Variants in FOXP2 observed in about 807,000 individuals in gnomAD.
The protein encoded by FOXP2 is forkhead box protein P2.
A neutral mutation model predicts 115.8 loss-of-function variants in FOXP2; 12 were observed. That is an observed-to-expected ratio of 0.10 (90% CI 0.07 to 0.17). The LOEUF (loss-of-function observed/expected upper bound fraction) is 0.17. Ranked by LOEUF, FOXP2 falls within the 10% of genes least tolerant of loss-of-function variation. The pLI is 1.00. For missense variants in FOXP2, 629 were observed against 843.5 expected (o/e 0.75, Z 3.15); for synonymous variants, 328 against 297.7 (o/e 1.10, Z -1.05).
intron 3 of FOXP2, among the ~76,000 whole-genome samples, chr7:114,584,526 T>C (rs1802031393): frequency 1.3e-5 from 2 of 152,238 alleles, no homozygotes; most frequent in Non-Finnish European, 2.9e-5. Flanking sequence ...CTTACTTTCA[T>C]TAAATTTTTT....
intron 1 of FOXP2, among the ~76,000 whole-genome samples, chr7:114,167,428 T>C (rs892736048): frequency 2.0e-5 from 3 of 152,174 alleles, no homozygotes; most frequent in African/African-American, 7.2e-5. Context: ...TTTTTACAAA[T>C]TGAAGGTTTG....
At chr7:114,211,158 G>T (rs535831932) in intron 1 of FOXP2, among the ~76,000 whole-genome samples, 11 of 152,346 alleles carry the variant, frequency 7.2e-5, no homozygotes, top group African/African-American at 2.4e-4. Context: ...GGGGTCCACA[G>T]AACAACGCTG....
intron 1 of FOXP2, among the ~76,000 whole-genome samples, chr7:114,126,206 T>C (rs1445285557): frequency 1.4e-5 from 1 of 70,896 alleles, no homozygotes; most frequent in Non-Finnish European, 2.9e-5. Flanking sequence ...GGAAAAAAAT[T>C]ATGGTGTAGA....
chr7:114,449,083 G>A (rs890252149), intron 2 of FOXP2, among the ~76,000 whole-genome samples: 3 of 151,966 alleles, frequency 2.0e-5, no homozygotes, highest in African/African-American at 4.8e-5. Context: ...TGTCCCCACA[G>A]CATTGTTGTG....
chr7:114,403,030 A>G (rs1792926565), intron 2 of FOXP2, among the ~76,000 whole-genome samples: 1 of 152,066 alleles, frequency 6.6e-6, no homozygotes, highest in South Asian at 2.1e-4. Flanking sequence ...AGATTCCACA[A>G]TCCCTTATCT....
chr7:114,490,288 G>A lies in FOXP2; in HGVS notation c.169-44329G>A, dbSNP rs118028028. On this transcript the variant is annotated intron_variant, in intron 2 of 16. Coordinates refer to ENST00000350908, the MANE Select transcript of FOXP2 (RefSeq NM_014491.4). ...AAAGATAAGGAGGAAATGTAAATGC[G>A]CATTACTAGGTGAAAGAAGCTTATC... 3.5e-4 allele frequency among the ~76,000 whole-genome samples: 53 copies of A among 152,176 alleles called. No individual in the cohort carries two copies. In the East Asian group the frequency reaches 8.9e-3, roughly 25 times the overall value.
chr7:114,545,685 T>C (rs1302843877), intron 3 of FOXP2, among the ~76,000 whole-genome samples: 1 of 152,190 alleles, frequency 6.6e-6, no homozygotes, highest in African/African-American at 2.4e-5. Context: ...TTTTACATGT[T>C]ATATGAGCTG....
At position 114,134,332 on chromosome 7, in the gene FOXP2, A is replaced by G. The variant is rs552346220; in HGVS notation, c.-246-28612A>G. On this transcript the variant is annotated intron_variant, in intron 1 of 19. Transcript: ENST00000635638. The stretch of plus-strand genomic sequence containing the variant: ...GTGTAGTCCCTTGCTATAATGCCAC[A>G]GTATCCCACTGTTCTTACTGAATTT... 1.5e-3 allele frequency among the ~76,000 whole-genome samples: 228 copies of G among 152,280 alleles called. 2 individuals are homozygous for G. Among genetic ancestry groups the G allele is most frequent in the African/African-American group, 5.4e-3 (224 of 41,560 alleles).
chr7:114,361,786 A>G (rs929822954), intron 2 of FOXP2, among the ~76,000 whole-genome samples: 4 of 152,016 alleles, frequency 2.6e-5, no homozygotes, highest in Non-Finnish European at 5.9e-5. Flanking sequence ...GTAAAAGCCC[A>G]CTCCAAAAAA....
intron 1 of FOXP2, among the ~76,000 whole-genome samples, chr7:114,258,108 T>A (rs1237373082): frequency 6.6e-6 from 1 of 152,178 alleles, no homozygotes; most frequent in Non-Finnish European, 1.5e-5. Flanking sequence ...GTATTGAGAA[T>A]AGACAGTGGG....
intron 2 of FOXP2, among the ~76,000 whole-genome samples, chr7:114,442,818 A>G (rs1485713947): frequency 6.6e-6 from 1 of 152,134 alleles, no homozygotes; most frequent in Non-Finnish European, 1.5e-5. Flanking sequence ...GTTTATATAA[A>G]GAGAGAGAGG....
chr7:114,135,905 A>G (rs1370664392), intron 1 of FOXP2, among the ~76,000 whole-genome samples: 3 of 152,120 alleles, frequency 2.0e-5, no homozygotes, highest in Non-Finnish European at 4.4e-5. Context: ...GAAGAGGTAT[A>G]CTACCGTATG....
Position 114,476,265 on chromosome 7 carries a change from A to G in FOXP2, c.168+49586A>G, listed in dbSNP as rs565579753. Among the ~76,000 whole-genome samples, 8 of 152,112 alleles carry G rather than the reference A, an allele frequency of 5.3e-5. No homozygotes were observed. In the South Asian group the frequency reaches 1.5e-3, roughly 28 times the overall value. Reference sequence around the variant, plus strand: ...TTTTGTAGTTTCAGGTGTTACATTTAAATCTTTGATTGATTTTGAGTTAAT... The same window carrying G: ...TTTTGTAGTTTCAGGTGTTACATTTGAATCTTTGATTGATTTTGAGTTAAT... On this transcript the variant is annotated intron_variant, in intron 2 of 16. Transcript: ENST00000350908.
At chr7:114,329,271 A>C (rs1479340898) in intron 2 of FOXP2, among the ~76,000 whole-genome samples, 3 of 152,122 alleles carry the variant, frequency 2.0e-5, no homozygotes, top group African/African-American at 7.2e-5. Context: ...TAATCCCAGC[A>C]CTTTGGGAGG....
At chr7:114,332,058 A>G (rs1318690037) in intron 2 of FOXP2, among the ~76,000 whole-genome samples, 1 of 152,024 alleles carries the variant, frequency 6.6e-6, no homozygotes, top group Non-Finnish European at 1.5e-5. Context: ...TGATTAGTCC[A>G]AGTGAACCCC....
At chr7:114,478,353 A>T (rs1796379266) in intron 2 of FOXP2, among the ~76,000 whole-genome samples, 1 of 151,840 alleles carries the variant, frequency 6.6e-6, no homozygotes, top group South Asian at 2.1e-4. Flanking sequence ...CTTATTCAGG[A>T]TTATGGCCTA....
intron 10 of FOXP2, among the ~76,000 whole-genome samples, chr7:114,656,838 A>G (rs1190072027): frequency 1.3e-5 from 2 of 152,196 alleles, no homozygotes; most frequent in Non-Finnish European, 2.9e-5. Flanking sequence ...AAATCCACAA[A>G]GAAAGATCAA....
intron 2 of FOXP2, among the ~76,000 whole-genome samples, chr7:114,485,386 A>G (rs1157278652): frequency 6.6e-6 from 1 of 151,970 alleles, no homozygotes; most frequent in Non-Finnish European, 1.5e-5. Context: ...TAGTTTTAGA[A>G]ATACTAATAT....
intron 2 of FOXP2, among the ~76,000 whole-genome samples, chr7:114,488,446 T>C (rs1465889775): frequency 1.3e-5 from 2 of 152,194 alleles, no homozygotes; most frequent in East Asian, 3.8e-4. Flanking sequence ...ATAATACTTA[T>C]AAAATATAAT....
Sources: allele counts gnomAD v4.1 joint callset (sites outside exome capture counted in the v4.1 genomes callset), GRCh38; gene constraint gnomAD v4.1.1; transcripts MANE v1.5; gene names NCBI Gene and HGNC (gene_info 2026-07-23, HGNC 2026-07-21).